SATL1: variants seen among roughly 807,000 people sequenced by gnomAD.
The protein encoded by SATL1 is spermidine/spermine N(1)-acetyltransferase-like protein 1.
Under a neutral mutation model 51.8 loss-of-function variants are expected in SATL1, and 47 were observed. The observed-to-expected ratio is 0.91, with a 90% confidence interval of 0.72 to 1.16. The LOEUF (loss-of-function observed/expected upper bound fraction) is 1.16. SATL1 is among the 50% of genes most tolerant of loss of function. The pLI is 0.00. For missense variants in SATL1, 520 were observed against 526.4 expected (o/e 0.99, Z 0.12); for synonymous variants, 176 against 182.4 (o/e 0.97, Z 0.28).
chrX:85,204,662 G>A (rs1352704163), intron 2 of SATL1, among the ~76,000 whole-genome samples: 4 of 111,220 alleles, frequency 3.6e-5, no homozygotes, highest in Non-Finnish European at 7.6e-5. Flanking sequence ...TAGAGTAGGG[G>A]GTTGAAGACT....
chrX:85,137,244 A>C (rs895082451), intron 2 of SATL1, among the ~76,000 whole-genome samples: 18 of 111,579 alleles, frequency 1.6e-4, no homozygotes, highest in African/African-American at 5.2e-4. Flanking sequence ...AACAGTTCTT[A>C]CATCATAACC....
intron 2 of SATL1, among the ~76,000 whole-genome samples, chrX:85,180,621 A>G (rs778504742): frequency 1.2e-4 from 13 of 111,888 alleles, no homozygotes; most frequent in Admixed American, 4.8e-4. Context: ...AGTATATTCA[A>G]TCTGAAAATC....
rs201322164 is a variant in SATL1 at position 85,108,412 on chromosome X, G to C, written c.557C>G (p.Pro186Arg). The C allele has an allele frequency of 1.8e-4, 222 of 1,209,568 alleles. No individual in the cohort carries two copies. Among genetic ancestry groups the C allele is most frequent in the Non-Finnish European group, 2.4e-4 (217 of 895,148 alleles). The part of the protein sequence containing the change: ...TGLSQPVLRQ[P>R]NMSPPGMWQP... ...CCACATGCCTGGTGGACTCATGTTT[G>C]GTTGCCTCAGGACTGGTTGGCTCAG... is the stretch of plus-strand genomic sequence containing the variant. Residue 186 changes from proline to arginine, a missense_variant, in exon 3 of 8, where the codon CCA becomes CGA. Pro to Arg is a moderately radical substitution (Grantham distance 103, BLOSUM62 -2). Around this residue, in one of 3 missense-constraint regions of SATL1, gnomAD observed 488 missense variants for 474.3 expected, o/e 1.03. Transcript: ENST00000644105.
At chrX:85,216,049 C>T (rs367599481) in intron 2 of SATL1, among the ~76,000 whole-genome samples, 6 of 111,584 alleles carry the variant, frequency 5.4e-5, no homozygotes, top group Non-Finnish European at 1.1e-4. Context: ...GCTAGATGAC[C>T]GGGAGTCTGG....
chrX:85,148,139 G>A (rs988393294), intron 2 of SATL1, among the ~76,000 whole-genome samples: 9 of 111,771 alleles, frequency 8.1e-5, no homozygotes, highest in African/African-American at 1.3e-4. Context: ...AGGAGCTGAT[G>A]GAGCTGAAAG....
intron 2 of SATL1, among the ~76,000 whole-genome samples, chrX:85,142,395 CAA>C (rs1212348825): frequency 0.011 from 469 of 43,082 alleles, 3 homozygotes; most frequent in African/African-American, 0.03. Flanking sequence ...GACTCCATCT[CAA>C]AAAAAAAAAA....
chrX:85,238,358 A>T (rs1928520835), intron 1 of SATL1, among the ~76,000 whole-genome samples: 1 of 111,903 alleles, frequency 8.9e-6, no homozygotes, highest in African/African-American at 3.2e-5. Flanking sequence ...GTACATATAC[A>T]CAATGGAGTA....
chrX:85,210,414 A>T (rs1927891163), intron 2 of SATL1: 1 of 106,995 alleles, frequency 9.3e-6, no homozygotes, highest in African/African-American at 3.4e-5. Flanking sequence ...AAAAAAAAAA[A>T]AAAAAAAAAG....
At chrX:85,171,410 G>A (rs1026046639) in intron 2 of SATL1, among the ~76,000 whole-genome samples, 3 of 111,446 alleles carry the variant, frequency 2.7e-5, no homozygotes, top group Non-Finnish European at 5.7e-5. Context: ...ATTGAAGTAC[G>A]GTTAATGAAT....
At chrX:85,206,491 AG>A (rs1927794262) in intron 2 of SATL1, among the ~76,000 whole-genome samples, 1 of 111,977 alleles carries the variant, frequency 8.9e-6, no homozygotes, top group African/African-American at 3.2e-5. Context: ...AGTGCTACTG[AG>A]GGATCAAATC....
intron 2 of SATL1, among the ~76,000 whole-genome samples, chrX:85,193,072 A>C (rs886122027): frequency 2.7e-5 from 3 of 111,940 alleles, no homozygotes; most frequent in Non-Finnish European, 5.6e-5. Context: ...GGAGTTAAGT[A>C]CTTTTACGAT....
At chrX:85,204,423 T>C (rs1372745460) in intron 2 of SATL1, among the ~76,000 whole-genome samples, 1 of 112,235 alleles carries the variant, frequency 8.9e-6, no homozygotes, top group Non-Finnish European at 1.9e-5. Flanking sequence ...TATATATACT[T>C]GCTATACATT....
chrX:85,207,817 A>G, intron 2 of SATL1: 1 of 122,159 alleles, frequency 8.2e-6, no homozygotes, highest in East Asian at 2.3e-4. Flanking sequence ...ATGTTTCTGG[A>G]GAACATGGGG....
intron 2 of SATL1, among the ~76,000 whole-genome samples, chrX:85,217,181 A>G (rs1204231736): frequency 9.1e-6 from 1 of 110,463 alleles, no homozygotes; most frequent in Non-Finnish European, 1.9e-5. Flanking sequence ...AAAAATTGTG[A>G]TAAGTACTAC....
chrX:85,214,620 A>G (rs769496563), intron 2 of SATL1, among the ~76,000 whole-genome samples: 32 of 111,889 alleles, frequency 2.9e-4, no homozygotes, highest in Non-Finnish European at 5.8e-4. Context: ...CTAAAGTTCA[A>G]AGTCCTATCT....
intron 2 of SATL1, among the ~76,000 whole-genome samples, chrX:85,136,717 G>A (rs945339352): frequency 8.9e-6 from 1 of 111,861 alleles, no homozygotes; most frequent in Non-Finnish European, 1.9e-5. Flanking sequence ...AAGTGAGGAA[G>A]CCCAAGGACA....
At chrX:85,200,878 T>C (rs1052119717) in intron 2 of SATL1, among the ~76,000 whole-genome samples, 1 of 111,047 alleles carries the variant, frequency 9.0e-6, no homozygotes, top group Non-Finnish European at 1.9e-5. Flanking sequence ...GAAAAAATGT[T>C]ACATAAAATC....
intron 1 of SATL1, among the ~76,000 whole-genome samples, chrX:85,240,783 CTTT>C (rs5902874): frequency 2.1e-4 from 21 of 99,920 alleles, no homozygotes; most frequent in African/African-American, 7.2e-4. Context: ...CTCCTATGTA[CTTT>C]TTTTTTTTTT....
intron 2 of SATL1, among the ~76,000 whole-genome samples, chrX:85,199,611 C>T (rs1927648797): frequency 8.9e-6 from 1 of 112,135 alleles, no homozygotes; most frequent in Non-Finnish European, 1.9e-5. Flanking sequence ...GAATGAAATC[C>T]TGTCATTTGC....
Sources: allele counts gnomAD v4.1 joint callset (sites outside exome capture counted in the v4.1 genomes callset), GRCh38; gene constraint gnomAD v4.1.1; regional missense constraint gnomAD v4.1.1; transcripts MANE v1.5; gene names NCBI Gene and HGNC (gene_info 2026-07-23, HGNC 2026-07-21).